The following COL21A1 variants were observed in gnomAD, a reference collection of about 807,000 sequenced individuals.
COL21A1 encodes the protein collagen alpha-1(XXI) chain.
In COL21A1, 149 loss-of-function variants were observed where a neutral mutation model predicts 137.9. The observed-to-expected ratio is 1.08, with a 90% CI of 0.95 to 1.24. COL21A1 has a LOEUF of 1.24. Ranked by LOEUF, COL21A1 falls within the 50% of genes most tolerant of loss-of-function variation. The pLI is 0.00. For missense variants in COL21A1, 1,167 were observed against 1,158.4 expected (o/e 1.01, Z -0.11); for synonymous variants, 456 against 391.5 (o/e 1.16, Z -1.95).
intron 1 of COL21A1, among the ~76,000 whole-genome samples, chr6:56,223,617 G>A (rs1168567597): frequency 6.6e-6 from 1 of 151,872 alleles, no homozygotes; most frequent in Non-Finnish European, 1.5e-5. Context: ...ATTACATTGG[G>A]GTTTTGGGTA....
At chr6:56,374,131 G>A (rs1190865297) in intron 1 of COL21A1, among the ~76,000 whole-genome samples, 1 of 152,156 alleles carries the variant, frequency 6.6e-6, no homozygotes, top group Non-Finnish European at 1.5e-5. Context: ...GCTAGAGGAA[G>A]GATACTTTCT....
chr6:56,071,119 A>G (rs543593836), intron 20 of COL21A1, among the ~76,000 whole-genome samples: 1 of 151,490 alleles, frequency 6.6e-6, no homozygotes, highest in Non-Finnish European at 1.5e-5. Context: ...GGAGACATGT[A>G]CTTTAACAGC....
Position 56,304,696 on chromosome 6 carries a change from T to C in COL21A1, c.-39+89275A>G, listed in dbSNP as rs185609187. On this transcript the variant is annotated intron_variant, in intron 1 of 28. Coordinates refer to the COL21A1 transcript ENST00000370819. ...TTCAAAAAACCAGCTCCTGGATTCA[T>C]TGATTTTTTGAAGGGTTTTTTGTGT... Among the ~76,000 whole-genome samples the C allele has an allele frequency of 3.1e-3, 469 of 152,328 alleles. 4 individuals carry two copies. The highest frequency in any genetic ancestry group is 0.011 in the African/African-American group (438 of 41,574).
At chr6:56,223,755 T>G (rs1781009111) in intron 1 of COL21A1, among the ~76,000 whole-genome samples, 1 of 152,162 alleles carries the variant, frequency 6.6e-6, no homozygotes, top group South Asian at 2.1e-4. Context: ...CATTAGCTAT[T>G]GCCAGAGTAA....
intron 1 of COL21A1, among the ~76,000 whole-genome samples, chr6:56,306,679 T>A (rs149723526): frequency 0.013 from 2,053 of 152,294 alleles, 22 homozygotes; most frequent in Non-Finnish European, 0.021. Context: ...GGTTTGAACT[T>A]CCTCCTTTAG....
At position 56,350,764 on chromosome 6, in the gene COL21A1, A is replaced by T. The variant is rs1357233941; in HGVS notation, c.-39+43207T>A. ...TTGGGGCTACTTTCCATAAGTTAGT[A>T]ACCTAGGGCCTTGGACTAGAGAAGA... On this transcript the variant is annotated intron_variant, in intron 1 of 28. Coordinates refer to the COL21A1 transcript ENST00000370819. 2.0e-5 allele frequency among the ~76,000 whole-genome samples: 3 copies of T among 152,310 alleles called. No homozygotes were observed. In the East Asian group the frequency reaches 5.8e-4, roughly 29 times the overall value.
At chr6:56,236,408 C>T (rs896709969) in intron 1 of COL21A1, among the ~76,000 whole-genome samples, 15 of 151,962 alleles carry the variant, frequency 9.9e-5, no homozygotes, top group African/African-American at 3.6e-4. Flanking sequence ...GGAAACTATG[C>T]TCAATATGTA....
At chr6:56,263,629 C>T (rs986371349) in intron 1 of COL21A1, among the ~76,000 whole-genome samples, 2 of 152,164 alleles carry the variant, frequency 1.3e-5, no homozygotes, top group Admixed American at 6.5e-5. Context: ...AAGCGCATGT[C>T]CCCAGAATAT....
intron 1 of COL21A1, among the ~76,000 whole-genome samples, chr6:56,314,030 G>A (rs1764672549): frequency 1.3e-5 from 2 of 152,272 alleles, no homozygotes; most frequent in South Asian, 4.1e-4. Flanking sequence ...CTGTCACCAG[G>A]CTGCAATGAA....
In COL21A1 at chr6:56,146,941, A is replaced by G. The variant is rs373875328; in HGVS notation, c.1435-4958T>C. On this transcript the variant is annotated intron_variant, in intron 10 of 29. Coordinates refer to ENST00000244728, the MANE Select transcript of COL21A1 (RefSeq NM_030820.4). ...AGAGCAACATCATCCAGTTTCCTAT[A>G]TTTCCCTTGAGCTAAGCACATAAAT... 1.2e-3 allele frequency among the ~76,000 whole-genome samples: 187 copies of G among 152,226 alleles called. 3 individuals are homozygous for G. The highest frequency in any genetic ancestry group is 4.2e-3 in the African/African-American group (175 of 41,564).
At chr6:56,085,519 G>A (rs1348457409) in intron 17 of COL21A1, among the ~76,000 whole-genome samples, 1 of 151,962 alleles carries the variant, frequency 6.6e-6, no homozygotes, top group Non-Finnish European at 1.5e-5. Context: ...AAGCATGTAT[G>A]GTCTGAAAAA....
intron 1 of COL21A1, among the ~76,000 whole-genome samples, chr6:56,225,150 T>C (rs1201876876): frequency 6.6e-6 from 1 of 152,100 alleles, no homozygotes; most frequent in Non-Finnish European, 1.5e-5. Flanking sequence ...ATTTTAAATT[T>C]TTCCCCACAA....
chr6:56,280,660 T>A (rs1763767912), intron 1 of COL21A1, among the ~76,000 whole-genome samples: 1 of 152,208 alleles, frequency 6.6e-6, no homozygotes, highest in Non-Finnish European at 1.5e-5. Flanking sequence ...ATCTTTTGTA[T>A]GAAAGAGATT....
intron 1 of COL21A1, among the ~76,000 whole-genome samples, chr6:56,233,266 C>A (rs1781696116): frequency 6.6e-6 from 1 of 151,776 alleles, no homozygotes; most frequent in East Asian, 1.9e-4. Context: ...GTCTTAAATA[C>A]AAAATTGCAA....
chr6:56,368,974 T>G (rs914688137), intron 1 of COL21A1, among the ~76,000 whole-genome samples: 1 of 152,216 alleles, frequency 6.6e-6, no homozygotes, highest in Non-Finnish European at 1.5e-5. Context: ...ATCTGTAGAA[T>G]GGGCAGCATG....
chr6:56,281,142 C>T (rs1562038080), intron 1 of COL21A1, among the ~76,000 whole-genome samples: 1 of 152,198 alleles, frequency 6.6e-6, no homozygotes, highest in Non-Finnish European at 1.5e-5. Context: ...GCTTTCATAT[C>T]CCAAGTATTC....
At chr6:56,150,565 C>CACACACACACA (rs1402170446) in intron 10 of COL21A1, among the ~76,000 whole-genome samples, 6 of 112,608 alleles carry the variant, frequency 5.3e-5, no homozygotes, top group African/African-American at 2.2e-4. Flanking sequence ...CACACACACA[C>CACACACACACA]AAGAGTGGGG....
At chr6:56,100,235 G>A (rs1048614841) in intron 17 of COL21A1, among the ~76,000 whole-genome samples, 1 of 152,208 alleles carries the variant, frequency 6.6e-6, no homozygotes, top group Middle Eastern at 3.4e-3. Flanking sequence ...TCTCTTTCCT[G>A]TCTTCCTTTG....
intron 21 of COL21A1, among the ~76,000 whole-genome samples, chr6:56,070,261 C>T (rs1456416222): frequency 6.6e-6 from 1 of 151,428 alleles, no homozygotes; most frequent in Non-Finnish European, 1.5e-5. Context: ...TACTTCCTAG[C>T]CATCAAATCA....
Sources: allele counts gnomAD v4.1 joint callset (sites outside exome capture counted in the v4.1 genomes callset), GRCh38; gene constraint gnomAD v4.1.1; transcripts MANE v1.5; gene names NCBI Gene and HGNC (gene_info 2026-07-23, HGNC 2026-07-21).